RASD2: variants seen among roughly 807,000 people sequenced by gnomAD.
RASD2 encodes GTP-binding protein Rhes.
In RASD2, 7 loss-of-function variants were observed where a neutral mutation model predicts 15.8. The ratio of observed to expected loss-of-function variants is 0.44; its 90% CI spans 0.25 to 0.83. RASD2 has a LOEUF of 0.83. Ranked by LOEUF, RASD2 falls within the 40% of genes least tolerant of loss-of-function variation. The probability of loss-of-function intolerance (pLI) is 0.20; values close to 1 mark genes in which losing one functional copy is unlikely to be tolerated. For missense variants in RASD2, 274 were observed against 382.8 expected, an observed-to-expected ratio of 0.72 and a Z score of 2.37; for synonymous variants, 155 against 153.6, an observed-to-expected ratio of 1.01 and a Z score of -0.07.
chr22:35,551,795 C>A lies in RASD2; in HGVS notation c.564C>A (p.Ser188Arg). Reference protein sequence around the residue: ...NVDEMFYVLFSMAKLPHEMSP... With the variant: ...NVDEMFYVLFRMAKLPHEMSP... ...ACGAGATGTTCTACGTGCTCTTCAG[C>A]ATGGCCAAGCTGCCACACGAGATGA... Residue 188 changes from serine (S) to arginine (R), a missense_variant, in exon 3 of 3, where the codon AGC (serine) becomes AGA (arginine). Transcript: ENST00000216127. The surrounding 1 kb of genome is among the most constrained non-coding windows in gnomAD (Gnocchi z 4.9). The A allele has an allele frequency of 6.2e-7, 1 of 1,614,134 alleles. No homozygotes were observed. Among genetic ancestry groups the A allele is most frequent in the Non-Finnish European group, 8.5e-7 (1 of 1,180,024 alleles).
At chr22:35,550,177 C>T (rs1934623225) in intron 2 of RASD2, among the ~76,000 whole-genome samples, 1 of 152,118 alleles carries the variant, frequency 6.6e-6, no homozygotes, top group Non-Finnish European at 1.5e-5. Context: ...GCAGGAGAAT[C>T]TCTTGAACCC....
In RASD2 at chr22:35,551,891, C is replaced by A. The variant is rs1346399038; in HGVS notation, c.660C>A (p.Arg220=). 1.9e-6 allele frequency: 3 copies of A among 1,613,388 alleles called. No homozygotes were observed. In the Admixed American group the frequency reaches 5.0e-5, roughly 27 times the overall value. The change falls in exon 3 of 3, where the codon CGC becomes CGA. Residue 220 remains arginine, a synonymous_variant. Transcript: ENST00000216127. The surrounding 1 kb of genome is among the most constrained non-coding windows in gnomAD (Gnocchi z 4.9). ...DAFHPRPFCM[R]RVKEMDAYGM... is the part of the protein sequence containing the mutation. ...TCCACCCCAGGCCCTTCTGCATGCG[C>A]CGCGTCAAGGAGATGGACGCCTATG...
At chr22:35,542,187 A>C (rs1038509513) in intron 1 of RASD2, among the ~76,000 whole-genome samples, 2 of 152,190 alleles carry the variant, frequency 1.3e-5, no homozygotes, top group Non-Finnish European at 2.9e-5. Context: ...CAGCCAGGTC[A>C]GGAGCCAGTG....
intron 1 of RASD2, among the ~76,000 whole-genome samples, chr22:35,541,748 A>G (rs1272864298): frequency 6.6e-6 from 1 of 152,212 alleles, no homozygotes; most frequent in African/African-American, 2.4e-5. Context: ...CAGGAAAGAA[A>G]GATTTATTGA....
Position 35,549,526 on chromosome 22 carries a change from C to T in RASD2, c.272-1977C>T, listed in dbSNP as rs77829539. ...CAAGGCCACGAGTCCTCAGGGGCCC[C>T]GGATTAGCCTAACGGGATGGGGTTT... is the stretch of plus-strand genomic sequence containing the variant. On this transcript the variant is annotated intron_variant, in intron 2 of 2. Coordinates refer to ENST00000216127, the MANE Select transcript of RASD2 (RefSeq NM_014310.4). 1.1e-3 allele frequency among the ~76,000 whole-genome samples: 166 copies of T among 152,304 alleles called. 1 individual carries two copies. The East Asian group carries it at 0.026, about 24-fold the overall frequency.
rs187861090 is a variant in RASD2 at position 35,541,845 on chromosome 22, G to T, written c.-10+345G>T. 1.8e-3 allele frequency among the ~76,000 whole-genome samples: 281 copies of T among 152,330 alleles called. 1 individual carries two copies. Among genetic ancestry groups the T allele is most frequent in the African/African-American group, 6.6e-3 (276 of 41,576 alleles). ...CCCATTTAAATAGGAGGAAACGGGG[G>T]CTCAGGGAAGACGAGTCAACTACCA... On this transcript the variant is annotated intron_variant, in intron 1 of 2. Transcript: ENST00000216127.
At chr22:35,546,322 C>T (rs1934501941) in intron 1 of RASD2, among the ~76,000 whole-genome samples, 2 of 152,154 alleles carry the variant, frequency 1.3e-5, no homozygotes, top group African/African-American at 4.8e-5. Context: ...TAGTGCCTTC[C>T]CCATGTCTTA....
At chr22:35,533,538 A>G in the RASD2 span, among the ~76,000 whole-genome samples, 1 of 150,870 alleles carries the variant, frequency 6.6e-6, no homozygotes. Context: ...GATAGTGATG[A>G]TGGTGGTGAT....
the RASD2 span, among the ~76,000 whole-genome samples, chr22:35,535,747 C>G: frequency 6.6e-6 from 1 of 152,312 alleles, no homozygotes; most frequent in African/African-American, 2.4e-5. Flanking sequence ...AAGTCAGTGT[C>G]TTTGGCTGGA....
intron 1 of RASD2, among the ~76,000 whole-genome samples, chr22:35,542,625 G>A (rs1026717712): frequency 2.0e-5 from 3 of 152,238 alleles, no homozygotes; most frequent in African/African-American, 4.8e-5. Context: ...GGCAATGTGC[G>A]TGTCCAAAGA....
At chr22:35,537,758 G>A (rs761642689), upstream of RASD2, among the ~76,000 whole-genome samples, 1 of 152,208 alleles carries the variant, frequency 6.6e-6, no homozygotes, top group Non-Finnish European at 1.5e-5. Flanking sequence ...GGTAAATACA[G>A]AGAAAAGGGT....
Position 35,552,394 on chromosome 22 carries a change from G to A in RASD2, c.*362G>A, listed in dbSNP as rs550772920. 57 of 244,472 alleles carry A rather than the reference G, an allele frequency of 2.3e-4. No individual in the cohort carries two copies. Among genetic ancestry groups the A allele is most frequent in the South Asian group, 5.8e-4 (6 of 10,350 alleles). 15.1% of individuals were successfully genotyped at this position (244,472 alleles called of 1,614,324 possible). On this transcript the variant is annotated 3_prime_UTR_variant, in exon 3 of 3. Coordinates refer to ENST00000216127, the MANE Select transcript of RASD2 (RefSeq NM_014310.4). ...TGGAGCCTCCTGGGACAAGCCTCAGGATGAAAAGGACACAGAAGGCCAGAT... is the reference window on the plus strand; with the variant it reads ...TGGAGCCTCCTGGGACAAGCCTCAGAATGAAAAGGACACAGAAGGCCAGAT...
At chr22:35,539,747 A>T (rs746544451), upstream of RASD2, among the ~76,000 whole-genome samples, 2 of 152,188 alleles carry the variant, frequency 1.3e-5, no homozygotes, top group Non-Finnish European at 2.9e-5. Flanking sequence ...ATGATTCTCT[A>T]AAAAAACGTG....
intron 1 of RASD2, 71 bp from the exon 2 acceptor site, chr22:35,546,730 T>G (rs1373236607): frequency 6.5e-7 from 1 of 1,548,340 alleles, no homozygotes; most frequent in South Asian, 1.2e-5. Context: ...GACAGAGGCC[T>G]AGAGGAGGCC....
chr22:35,533,188 A>C, the RASD2 span, among the ~76,000 whole-genome samples: 1 of 152,220 alleles, frequency 6.6e-6, no homozygotes, highest in Non-Finnish European at 1.5e-5. Flanking sequence ...TAGAAGGCCT[A>C]TTGTTCCTCC....
Position 35,540,835 on chromosome 22 carries a change from C to G in RASD2, c.-675C>G, listed in dbSNP as rs1934325497. On this transcript the variant is annotated 5_prime_UTR_variant, in exon 1 of 3. Transcript: ENST00000216127. ...CCTCCCACACGCGCGCAGAGCAGAG[C>G]GCCCTGCTCCTCCTTCAGCTGCTGG... is the stretch of plus-strand genomic sequence containing the variant. 6.6e-6 allele frequency: 1 copy of G among 152,356 alleles called. No homozygotes were observed. The highest frequency in any genetic ancestry group is 2.4e-5 in the African/African-American group (1 of 41,454). 9.4% of individuals were successfully genotyped at this position (152,356 alleles called of 1,614,324 possible). A position where few individuals can be genotyped will look rare whatever the true frequency, so the allele number is the denominator to read the frequency against.
the RASD2 span, among the ~76,000 whole-genome samples, chr22:35,533,047 T>TG: frequency 6.6e-6 from 1 of 152,038 alleles, no homozygotes; most frequent in South Asian, 2.1e-4. Context: ...GTCTGGAAAA[T>TG]GGGGATAATA....
intron 1 of RASD2, among the ~76,000 whole-genome samples, chr22:35,543,818 A>ACCTTGCCTC: frequency 6.9e-6 from 1 of 145,322 alleles, no homozygotes; most frequent in East Asian, 2.0e-4. Flanking sequence ...CCTCTCTCTG[A>ACCTTGCCTC]CTCTTTGCCT....
At chr22:35,545,804 G>A (rs777974335) in intron 1 of RASD2, among the ~76,000 whole-genome samples, 14 of 152,138 alleles carry the variant, frequency 9.2e-5, no homozygotes, top group Non-Finnish European at 1.6e-4. Context: ...TGGGGTCAGG[G>A]GTTCTGGGGC....
Sources: allele counts gnomAD v4.1 joint callset (sites outside exome capture counted in the v4.1 genomes callset), GRCh38; gene constraint gnomAD v4.1.1; non-coding constraint Gnocchi (gnomAD v3.1); transcripts MANE v1.5; gene names NCBI Gene and HGNC (gene_info 2026-07-23, HGNC 2026-07-21).